CABYR: variants seen among roughly 807,000 people sequenced by gnomAD.
The protein encoded by CABYR is calcium-binding tyrosine phosphorylation-regulated protein.
Under a neutral mutation model 36.1 loss-of-function variants are expected in CABYR, and 31 were observed. That is an observed-to-expected ratio of 0.86 (90% CI 0.64 to 1.16). The LOEUF (loss-of-function observed/expected upper bound fraction) is 1.16, where lower values mean the gene tolerates loss of function less well. Among genes scored for constraint, CABYR ranks in the 50% most tolerant of loss-of-function variants. The probability of loss-of-function intolerance (pLI) is 0.00; values close to 1 mark genes in which losing one functional copy is unlikely to be tolerated. For synonymous variants in CABYR, 146 were observed against 160.7 expected, an observed-to-expected ratio of 0.91 and a Z score of 0.69; for missense variants, 429 against 455.8, an observed-to-expected ratio of 0.94 and a Z score of 0.53.
intron 4 of CABYR, chr18:24,156,873 GC>G: frequency 6.2e-7 from 1 of 1,614,162 alleles, no homozygotes; most frequent in South Asian, 1.1e-5. Flanking sequence ...AGCTGCAGAA[GC>G]AGTGCACTCA....
chr18:24,147,085 A>G (rs2085478329), intron 3 of CABYR, among the ~76,000 whole-genome samples: 1 of 152,088 alleles, frequency 6.6e-6, no homozygotes, highest in South Asian at 2.1e-4. Flanking sequence ...TGAGGCCACG[A>G]GTTTGAGACC....
intron 4 of CABYR, among the ~76,000 whole-genome samples, chr18:24,157,761 C>CA (rs2085830208): frequency 6.6e-6 from 1 of 152,186 alleles, no homozygotes; most frequent in Admixed American, 6.5e-5. Flanking sequence ...ATGACATAGA[C>CA]ATGATGTGAC....
intron 3 of CABYR, among the ~76,000 whole-genome samples, chr18:24,143,690 G>A (rs2085385772): frequency 6.6e-6 from 1 of 151,824 alleles, no homozygotes; most frequent in Non-Finnish European, 1.5e-5. Flanking sequence ...AAGTCACCAT[G>A]TCCAACTAAT....
At position 24,155,735 on chromosome 18, in the gene CABYR, G is replaced by T. The variant is rs2085763630; in HGVS notation, c.234G>T (p.Lys78Asn). ...EKWSEGTTPQ[K>N]KLECLKEPGK... ...GGTCAGAAGGAACGACACCACAGAA[G>T]AAATTAGAATGTTTAAAAGAACCAG... is the stretch of plus-strand genomic sequence containing the variant. The change falls in exon 4 of 6, where the codon AAG (lysine) becomes AAT (asparagine). Residue 78 changes from lysine (K) to asparagine (N), a missense_variant. By Grantham distance (94) the Lys-to-Asn change is moderately conservative. Transcript: ENST00000399496. 1 of 1,610,548 alleles carries T rather than the reference G, an allele frequency of 6.2e-7. No homozygotes were observed. The highest frequency in any genetic ancestry group is 1.3e-5 in the African/African-American group (1 of 74,728).
chr18:24,143,142 G>T lies in CABYR; in HGVS notation c.28G>T (p.Val10Leu). 6.2e-7 allele frequency: 1 copy of T among 1,612,048 alleles called. No individual in the cohort carries two copies. The highest frequency in any genetic ancestry group is 1.3e-5 in the African/African-American group (1 of 74,822). Residue 10 changes from valine (V) to leucine (L), a missense_variant, in exon 2 of 6, where the codon GTA (valine) becomes TTA (leucine). Val to Leu is a conservative substitution (Grantham distance 32). Coordinates refer to ENST00000399496, the MANE Select transcript of CABYR (RefSeq NM_153769.3). ...GATTTCTTCAAAGCCCAGACTTGTC[G>T]TACCCTATGGCCTCAAGACTCTGCT... MISSKPRLV[V>L]PYGLKTLLEG...
intron 2 of CABYR, 48 bp downstream of exon 2, chr18:24,143,307 T>G (rs769716005): frequency 6.2e-7 from 1 of 1,600,192 alleles, no homozygotes; most frequent in East Asian, 2.2e-5. Context: ...GAAAACATTT[T>G]AAGTTAGGAA....
At chr18:24,157,225 C>T (rs2085813699) in intron 4 of CABYR, among the ~76,000 whole-genome samples, 3 of 152,124 alleles carry the variant, frequency 2.0e-5, no homozygotes, top group South Asian at 4.1e-4. Flanking sequence ...GTTTGGTCAT[C>T]TAGCACTTTT....
At position 24,155,566 on chromosome 18, in the gene CABYR, C is replaced by T. The variant is rs1283291513; in HGVS notation, c.200-135C>T. 3.0e-5 allele frequency: 20 copies of T among 662,236 alleles called. No homozygotes were observed. The South Asian group carries it at 3.4e-4, about 11-fold the overall frequency. The allele number at this position is 662,236 out of a possible 1,614,324, so 41.0% of individuals were successfully genotyped here. A position where few individuals can be genotyped will look rare whatever the true frequency, so the allele number is the denominator to read the frequency against. The stretch of plus-strand genomic sequence containing the variant: ...TGAACTCCTGGGCTCAAGCGATCCT[C>T]CTGCCTCAGCCTTCCAAAGTCCTGG... On this transcript the variant is annotated intron_variant, in intron 3 of 5. Transcript: ENST00000399496.
At chr18:24,157,234 T>C (rs2085814010) in intron 4 of CABYR, among the ~76,000 whole-genome samples, 1 of 152,216 alleles carries the variant, frequency 6.6e-6, no homozygotes, top group South Asian at 2.1e-4. Context: ...TCTAGCACTT[T>C]TGCGTTATTC....
At chr18:24,161,439 C>T (rs1208040976) in intron 5 of CABYR, 77 bp from the exon 6 acceptor site, 4 of 765,786 alleles carry the variant, frequency 5.2e-6, no homozygotes, top group African/African-American at 1.7e-5. Context: ...CCTTGCATTT[C>T]TAATCTTCTG....
Position 24,143,391 on chromosome 18 carries a change from TAAAC to T in CABYR, c.180_183del (p.Lys60AsnfsTer7), listed in dbSNP as rs1323084879. 6.4e-7 allele frequency: 1 copy of T among 1,571,120 alleles called. No individual in the cohort carries two copies. The highest frequency in any genetic ancestry group is 8.7e-7 in the Non-Finnish European group (1 of 1,148,664). The stretch of plus-strand genomic sequence containing the variant: ...CTACTATGGATATAAAAGATCTGGT[TAAAC>T]AATTTCATCAGATTAAAGGTAAGTA... On this transcript the variant is annotated frameshift_variant, in exon 3 of 6. Transcript: ENST00000399496. LOFTEE classifies it high-confidence loss of function.
intron 4 of CABYR, among the ~76,000 whole-genome samples, chr18:24,158,016 GA>G (rs779583156): frequency 8.9e-4 from 136 of 152,322 alleles, no homozygotes; most frequent in Non-Finnish European, 1.4e-3. Context: ...TGCACAGCTG[GA>G]AAGGCAGAGG....
Position 24,157,311 on chromosome 18 carries a change from T to C in CABYR, c.541+1269T>C, listed in dbSNP as rs538980253. The stretch of plus-strand genomic sequence containing the variant: ...TCAGGTACAAAATATATTCATGTGA[T>C]CTGAATATGCTGATTGCAAAACTGT... On this transcript the variant is annotated intron_variant, in intron 4 of 5. Coordinates refer to ENST00000399496, the MANE Select transcript of CABYR (RefSeq NM_153769.3). Among the ~76,000 whole-genome samples, 20 of 152,340 alleles carry C rather than the reference T, an allele frequency of 1.3e-4. 1 individual carries two copies. In the South Asian group the frequency reaches 4.1e-3, roughly 32 times the overall value.
intron 3 of CABYR, among the ~76,000 whole-genome samples, chr18:24,155,224 TG>T (rs1234477903): frequency 9.1e-4 from 138 of 152,274 alleles, no homozygotes; most frequent in Admixed American, 8.8e-3. Context: ...GCTTTTTCCA[TG>T]GAGGTTTTCA....
chr18:24,149,824 G>A (rs2085570845), intron 3 of CABYR, among the ~76,000 whole-genome samples: 1 of 152,264 alleles, frequency 6.6e-6, no homozygotes, highest in East Asian at 1.9e-4. Flanking sequence ...GCCCGGGGCT[G>A]GCAGGGCCGG....
intron 5 of CABYR, 84 bp from the exon 6 acceptor site, chr18:24,161,432 T>C (rs1213618303): frequency 2.6e-6 from 2 of 760,176 alleles, no homozygotes; most frequent in Admixed American, 1.8e-5. Context: ...GGGTAGACCT[T>C]GCATTTCTAA....
chr18:24,161,552 G>A lies in CABYR; in HGVS notation c.*36G>A, dbSNP rs760355363. ...ACGCTGTCTGGGTCAACATTTCAGG[G>A]AGGAGTCTGCCACCAGTGTAATGTA... is the stretch of plus-strand genomic sequence containing the variant. On this transcript the variant is annotated 3_prime_UTR_variant, in exon 6 of 6. Coordinates refer to ENST00000399496, the MANE Select transcript of CABYR (RefSeq NM_153769.3). The A allele has an allele frequency of 2.6e-6, 2 of 780,252 alleles. No homozygotes were observed. Among genetic ancestry groups the A allele is most frequent in the Non-Finnish European group, 4.8e-6 (2 of 417,886 alleles). 48.3% of individuals were successfully genotyped at this position (780,252 alleles called of 1,614,324 possible).
At position 24,160,078 on chromosome 18, in the gene CABYR, A is replaced by G. The variant is rs372779820; in HGVS notation, c.1139+9A>G. Reference sequence around the variant, plus strand: ...GCAGAAACTGAAAACTGGTAGGTACACTTTCCTACCATAATATTTAGGCCT... The same window carrying G: ...GCAGAAACTGAAAACTGGTAGGTACGCTTTCCTACCATAATATTTAGGCCT... On this transcript the variant is annotated intron_variant, in intron 5 of 5. Coordinates refer to ENST00000399496, the MANE Select transcript of CABYR (RefSeq NM_153769.3). 5 of 1,567,196 alleles carry G rather than the reference A, an allele frequency of 3.2e-6. No homozygotes were observed. Among genetic ancestry groups the G allele is most frequent in the African/African-American group, 1.4e-5 (1 of 73,514 alleles).
chr18:24,150,006 TGCA>T (rs2085577968), intron 3 of CABYR, among the ~76,000 whole-genome samples: 1 of 152,222 alleles, frequency 6.6e-6, no homozygotes, highest in Non-Finnish European at 1.5e-5. Flanking sequence ...GCTCCCACAG[TGCA>T]GCGGTGGGCT....
Sources: allele counts gnomAD v4.1 joint callset (sites outside exome capture counted in the v4.1 genomes callset), GRCh38; gene constraint gnomAD v4.1.1; transcripts MANE v1.5; gene names NCBI Gene and HGNC (gene_info 2026-07-23, HGNC 2026-07-21).